Variants in NCKAP5 observed in about 807,000 individuals in gnomAD.
The protein encoded by NCKAP5 is nck-associated protein 5.
Under a neutral mutation model 167.0 loss-of-function variants are expected in NCKAP5, and 92 were observed. The observed-to-expected ratio is 0.55, with a 90% CI of 0.47 to 0.66. The LOEUF is 0.66. NCKAP5 is among the 30% of genes least tolerant of loss of function. The probability of loss-of-function intolerance (pLI) is 0.00; values close to 1 mark genes in which losing one functional copy is unlikely to be tolerated. For missense variants in NCKAP5, 2,378 were observed against 2,315.0 expected, an observed-to-expected ratio of 1.03 and a Z score of -0.56; for synonymous variants, 891 against 877.4, an observed-to-expected ratio of 1.02 and a Z score of -0.27.
rs1198081077 is a variant in NCKAP5, at chr2:132,959,765, C to T, written c.579+3955G>A. ...GGGTGGCAGAAAGGAGTGATCCTTT[C>T]GTAGAAGGGACCTGAGACATGGCAG... is the stretch of plus-strand genomic sequence containing the variant. On this transcript the variant is annotated intron_variant, in intron 8 of 19. Coordinates refer to ENST00000409261, the MANE Select transcript of NCKAP5 (RefSeq NM_207363.3). Among the ~76,000 whole-genome samples the T allele has an allele frequency of 5.9e-5, 9 of 152,202 alleles. No individual in the cohort carries two copies. In the South Asian group the frequency reaches 8.3e-4, roughly 14 times the overall value.
At chr2:133,366,022 A>G (rs766730330) in intron 3 of NCKAP5, among the ~76,000 whole-genome samples, 7 of 152,240 alleles carry the variant, frequency 4.6e-5, no homozygotes, top group Non-Finnish European at 8.8e-5. Context: ...ACACTTTTGT[A>G]AAAGCACACA....
the NCKAP5 span, among the ~76,000 whole-genome samples, chr2:133,663,338 A>C: frequency 6.6e-6 from 1 of 151,080 alleles, no homozygotes; most frequent in African/African-American, 2.4e-5. Context: ...TTGCTGGTGG[A>C]GCATCTTGCC....
intron 8 of NCKAP5, among the ~76,000 whole-genome samples, chr2:132,960,727 C>A (rs904117907): frequency 2.0e-5 from 3 of 152,102 alleles, no homozygotes; most frequent in Non-Finnish European, 2.9e-5. Context: ...AGGGGCTCCT[C>A]AAGTTGTTTT....
intron 5 of NCKAP5, among the ~76,000 whole-genome samples, chr2:133,155,003 C>T (rs1181014179): frequency 6.6e-6 from 1 of 152,212 alleles, no homozygotes; most frequent in African/African-American, 2.4e-5. Context: ...GCAATTTCAT[C>T]TACTCTAAGG....
At chr2:133,435,657 G>C (rs1053991959) in intron 3 of NCKAP5, among the ~76,000 whole-genome samples, 1 of 152,124 alleles carries the variant, frequency 6.6e-6, no homozygotes, top group South Asian at 2.1e-4. Flanking sequence ...GCCTACAAAG[G>C]TTTTAGTTAA....
intron 11 of NCKAP5, among the ~76,000 whole-genome samples, chr2:132,811,214 G>A (rs1364420733): frequency 4.6e-5 from 7 of 152,048 alleles, no homozygotes; most frequent in Non-Finnish European, 8.8e-5. Flanking sequence ...TGGCTTTGGT[G>A]GCTTAATGTT....
At chr2:132,918,410 T>C (rs1262573549) in intron 8 of NCKAP5, among the ~76,000 whole-genome samples, 1 of 152,254 alleles carries the variant, frequency 6.6e-6, no homozygotes, top group African/African-American at 2.4e-5. Flanking sequence ...CCTTGGTTTC[T>C]CTCTTGCTAG....
intron 4 of NCKAP5, among the ~76,000 whole-genome samples, chr2:133,291,004 G>C (rs1679557228): frequency 6.6e-6 from 1 of 152,082 alleles, no homozygotes; most frequent in African/African-American, 2.4e-5. Context: ...ACAGGAGTGA[G>C]CCACCATGCT....
chr2:132,846,022 AT>A (rs1173314543), intron 11 of NCKAP5, among the ~76,000 whole-genome samples: 1 of 151,920 alleles, frequency 6.6e-6, no homozygotes, highest in African/African-American at 2.4e-5. Flanking sequence ...TGTAGTTCAT[AT>A]TTTTTATTTA....
chr2:132,762,150 C>T (rs1159030520), intron 16 of NCKAP5, among the ~76,000 whole-genome samples: 2 of 151,804 alleles, frequency 1.3e-5, no homozygotes, highest in Non-Finnish European at 3.0e-5. Context: ...GCGACCATCA[C>T]ACTTAACTTG....
Position 132,783,722 on chromosome 2 carries a change from G to A in NCKAP5, c.3089C>T (p.Thr1030Ile). Reference protein sequence around the residue: ...CPAHAPSSSFTVMALGPPKVS... With the variant: ...CPAHAPSSSFIVMALGPPKVS... ...CTTTGGAGGCCCCAGAGCCATTACG[G>A]TGAAGGAGCTGGAGGGGGCATGAGC... Residue 1030 changes from threonine to isoleucine, a missense_variant, in exon 14 of 20, where the codon ACC (threonine) becomes ATC (isoleucine). Physicochemically the swap from Thr to Ile is moderately conservative, Grantham distance 89 (BLOSUM62 -1). Coordinates refer to ENST00000409261, the MANE Select transcript of NCKAP5 (RefSeq NM_207363.3). The A allele has an allele frequency of 3.1e-6, 5 of 1,612,084 alleles. No individual in the cohort carries two copies. Among genetic ancestry groups the A allele is most frequent in the Non-Finnish European group, 4.2e-6 (5 of 1,179,066 alleles).
At position 133,399,637 on chromosome 2, in the gene NCKAP5, G is replaced by C. The variant is rs182337170; in HGVS notation, c.70-96527C>G. Among the ~76,000 whole-genome samples, 4 of 152,162 alleles carry C rather than the reference G, an allele frequency of 2.6e-5. No homozygotes were observed. The East Asian group carries it at 7.7e-4, about 29-fold the overall frequency. On this transcript the variant is annotated intron_variant, in intron 3 of 19. Transcript: ENST00000409261. Reference sequence around the variant, plus strand: ...AACAACTTTAACAGATTATTAAAAGGGACAGTGTGAAACCTTCAATAATAT... The same window carrying C: ...AACAACTTTAACAGATTATTAAAAGCGACAGTGTGAAACCTTCAATAATAT...
chr2:133,217,718 G>C (rs886939308), intron 4 of NCKAP5, among the ~76,000 whole-genome samples: 1 of 152,034 alleles, frequency 6.6e-6, no homozygotes, highest in African/African-American at 2.4e-5. Flanking sequence ...AAATATTTGT[G>C]ATTTGCTGAA....
At chr2:133,441,379 G>A (rs1337560494) in intron 3 of NCKAP5, among the ~76,000 whole-genome samples, 6 of 152,174 alleles carry the variant, frequency 3.9e-5, no homozygotes, top group Admixed American at 2.6e-4. Flanking sequence ...TCTAGACTCA[G>A]AATCATGCAT....
chr2:133,221,026 T>A (rs1442131367), intron 4 of NCKAP5, among the ~76,000 whole-genome samples: 1 of 150,974 alleles, frequency 6.6e-6, no homozygotes, highest in Non-Finnish European at 1.5e-5. Flanking sequence ...CGGTCACAAA[T>A]ACCCTATATA....
intron 5 of NCKAP5, among the ~76,000 whole-genome samples, chr2:133,178,354 C>A (rs1475193900): frequency 6.6e-6 from 1 of 151,210 alleles, no homozygotes; most frequent in Non-Finnish European, 1.5e-5. Context: ...TGAAAATTAT[C>A]CAGGTGTGGT....
intron 8 of NCKAP5, among the ~76,000 whole-genome samples, chr2:132,936,013 G>A (rs1485641990): frequency 6.9e-5 from 10 of 144,248 alleles, no homozygotes; most frequent in East Asian, 2.0e-4. Flanking sequence ...ACAGAGTCCC[G>A]CTCTGTCGCC....
At chr2:132,957,950 C>T (rs1331332491) in intron 8 of NCKAP5, among the ~76,000 whole-genome samples, 1 of 152,180 alleles carries the variant, frequency 6.6e-6, no homozygotes, top group Non-Finnish European at 1.5e-5. Flanking sequence ...GCTCTCTATA[C>T]TCCGCTGAAC....
At position 132,673,259 on chromosome 2, in the gene NCKAP5, A is replaced by G; in HGVS notation, c.*30T>C. 6.6e-7 allele frequency: 1 copy of G among 1,510,596 alleles called. No individual in the cohort carries two copies. Among genetic ancestry groups the G allele is most frequent in the Non-Finnish European group, 8.8e-7 (1 of 1,132,426 alleles). The allele number at this position is 1,510,596 out of a possible 1,614,324, so 93.6% of individuals were successfully genotyped here. ...GAATGACTCTAGGGAAATTTTCGAT[A>G]ATCTATTCTCGGGATCGTCTTTTGT... is the stretch of plus-strand genomic sequence containing the variant. On this transcript the variant is annotated 3_prime_UTR_variant, in exon 20 of 20. Coordinates refer to ENST00000409261, the MANE Select transcript of NCKAP5 (RefSeq NM_207363.3).
Sources: gnomAD v4.1 joint callset for allele counts (sites outside exome capture counted in the v4.1 genomes callset) on GRCh38, gnomAD v4.1.1 for gene constraint, MANE v1.5 for transcripts, NCBI Gene and HGNC (gene_info 2026-07-23, HGNC 2026-07-21) for gene names.